MAP7D1: variants seen among roughly 807,000 people sequenced by gnomAD.
MAP7D1 encodes the protein MAP7 domain-containing protein 1.
In MAP7D1, 30 loss-of-function variants were observed where a neutral mutation model predicts 97.5. The observed-to-expected ratio is 0.31, with a 90% CI of 0.23 to 0.42. The LOEUF is 0.42. Among genes scored for constraint, MAP7D1 ranks in the 10% least tolerant of loss-of-function variants. MAP7D1 has a pLI of 1.00. For synonymous variants in MAP7D1, 536 were observed against 477.1 expected, an observed-to-expected ratio of 1.12 and a Z score of -1.61; for missense variants, 1,184 against 1,179.5, an observed-to-expected ratio of 1.00 and a Z score of -0.06.
At chr1:36,160,320 A>G (rs1306994879) in intron 1 of MAP7D1, among the ~76,000 whole-genome samples, 1 of 152,208 alleles carries the variant, frequency 6.6e-6, no homozygotes, top group Non-Finnish European at 1.5e-5. Context: ...AGAGCCTGGG[A>G]GGGTGTAGGG....
intron 1 of MAP7D1, among the ~76,000 whole-genome samples, chr1:36,156,872 G>A (rs1644339207): frequency 6.6e-6 from 1 of 152,140 alleles, no homozygotes; most frequent in South Asian, 2.1e-4. Flanking sequence ...CCCAGCCTGA[G>A]TGTGTCGGGG....
rs1168654824 is a variant in MAP7D1, at chr1:36,177,961, C to T, written c.1468C>T (p.Leu490=). 11 of 1,601,710 alleles carry T rather than the reference C, an allele frequency of 6.9e-6. No individual in the cohort carries two copies. The highest frequency in any genetic ancestry group is 9.4e-6 in the Non-Finnish European group (11 of 1,172,204). ...CCCCAGCCCAGGGCCAGGCCACACT[C>T]TGCCTCCAAAGCCACCGTCCCCCCG... ...PCPSPGPGHT[L]PPKPPSPRGT... The change falls in exon 9 of 17, where the codon CTG becomes TTG. Residue 490 remains leucine, a synonymous_variant. Transcript: ENST00000474796.
intron 1 of MAP7D1, among the ~76,000 whole-genome samples, chr1:36,165,494 G>C (rs1424433846): frequency 1.6e-5 from 2 of 122,178 alleles, no homozygotes; most frequent in East Asian, 4.5e-4. Context: ...ACAGGGTTTT[G>C]CTTTGTCACC....
rs968747552 is a variant in MAP7D1 at position 36,159,143 on chromosome 1, C to T, written c.46+2680C>T. Among the ~76,000 whole-genome samples the T allele has an allele frequency of 6.6e-6, 1 of 152,052 alleles. No homozygotes were observed. Among genetic ancestry groups the T allele is most frequent in the Non-Finnish European group, 1.5e-5 (1 of 68,020 alleles). ...CACGATCTCGGCACACTGCAACCTCCGCCTCCCAGGTTCAAGCGATTCTCT... is the reference window on the plus strand; with the variant it reads ...CACGATCTCGGCACACTGCAACCTCTGCCTCCCAGGTTCAAGCGATTCTCT... On this transcript the variant is annotated intron_variant, in intron 1 of 16. Coordinates refer to ENST00000474796, the MANE Select transcript of MAP7D1 (RefSeq NM_001388490.1). This position sits in a 1 kb window ranked among gnomAD's most constrained non-coding sequence, Gnocchi z 5.4.
intron 12 of MAP7D1, 78 bp from the exon 13 acceptor site, chr1:36,179,184 C>T: frequency 1.3e-6 from 2 of 1,563,336 alleles, no homozygotes; most frequent in South Asian, 1.1e-5. Flanking sequence ...CCTAAGACTC[C>T]GAGGCCGGGT....
intron 1 of MAP7D1, among the ~76,000 whole-genome samples, chr1:36,164,083 C>T (rs563497443): frequency 7.9e-5 from 12 of 152,236 alleles, no homozygotes; most frequent in Non-Finnish European, 1.3e-4. Flanking sequence ...CTTGGCCTCC[C>T]AAAGTGCTGG....
intron 1 of MAP7D1, among the ~76,000 whole-genome samples, chr1:36,158,338 A>G (rs954099195): frequency 1.3e-5 from 2 of 152,092 alleles, no homozygotes; most frequent in Admixed American, 1.3e-4. Flanking sequence ...GCTTTCTGGG[A>G]GTAAATGTGC....
chr1:36,165,126 T>A (rs1391514147), intron 1 of MAP7D1, among the ~76,000 whole-genome samples: 1 of 151,812 alleles, frequency 6.6e-6, no homozygotes, highest in Non-Finnish European at 1.5e-5. Context: ...TTTTATTTAA[T>A]TTTTTTTCTT....
chr1:36,163,817 CTTTTTTTTTTTTTTTTTTTTTT>C (rs869169250), intron 1 of MAP7D1, among the ~76,000 whole-genome samples: 1 of 86,784 alleles, frequency 1.2e-5, no homozygotes, highest in Non-Finnish European at 2.1e-5. Context: ...TACTTTTTTT[CTTTTTTTTTTTTTTTTTTTTTT>C]TTTTTGGAGA....
intron 1 of MAP7D1, among the ~76,000 whole-genome samples, chr1:36,168,978 G>A (rs1191637378): frequency 6.6e-6 from 1 of 152,176 alleles, no homozygotes; most frequent in Non-Finnish European, 1.5e-5. Flanking sequence ...AAGGCCGGGT[G>A]CAGTGGCTCA....
intron 9 of MAP7D1, 93 bp from the exon 10 acceptor site, chr1:36,178,326 C>T: frequency 6.7e-7 from 1 of 1,486,036 alleles, no homozygotes; most frequent in Non-Finnish European, 9.0e-7. Flanking sequence ...GACTCCTGCC[C>T]TCAGCAGTCC....
At chr1:36,179,840 G>C (rs1450294552) in intron 15 of MAP7D1, 34 bp from the exon 16 acceptor site, 2 of 1,588,522 alleles carry the variant, frequency 1.3e-6, no homozygotes, top group African/African-American at 2.7e-5. Flanking sequence ...TTCCTGGGAG[G>C]TGAGGTGCTG....
At position 36,176,309 on chromosome 1, in the gene MAP7D1, G is replaced by A. The variant is rs760234725; in HGVS notation, c.961G>A (p.Gly321Ser). ...CAGCGCGGTCACACTGCCCCGCAAC[G>A]GCCGGGACCAGGGTAGGGGCTGCGA... ...SRSAVTLPRNGRDQGRGCDPG... is the reference protein window; with the variant it reads ...SRSAVTLPRNSRDQGRGCDPG... Residue 321 changes from glycine (G) to serine (S), a missense_variant, in exon 7 of 17, where the codon GGC (glycine) becomes AGC (serine). By Grantham distance (56) the Gly-to-Ser change is moderately conservative (BLOSUM62 0). Coordinates refer to ENST00000474796, the MANE Select transcript of MAP7D1 (RefSeq NM_001388490.1). The surrounding 1 kb of genome is among the most constrained non-coding windows in gnomAD (Gnocchi z 6.1). 6 of 1,564,380 alleles carry A rather than the reference G, an allele frequency of 3.8e-6. No individual in the cohort carries two copies. Among genetic ancestry groups the A allele is most frequent in the Non-Finnish European group, 4.3e-6 (5 of 1,157,404 alleles).
At chr1:36,178,277 G>C in intron 9 of MAP7D1, 76 bp downstream of exon 9, 1 of 1,479,364 alleles carries the variant, frequency 6.8e-7, no homozygotes, top group Non-Finnish European at 9.0e-7. Context: ...TGGGCCGCCA[G>C]AGATGCCTGA....
rs763622720 is a variant in MAP7D1 at position 36,173,394 on chromosome 1, G to A, written c.655G>A (p.Val219Met). ...CTATGAAGCAGCCATCCAACGGTCA[G>A]TGAAGAAGACGTGGGCCGAAATCCG... ...ERYEAAIQRS[V>M]KKTWAEIRQQ... Residue 219 changes from valine (V) to methionine (M), a missense_variant, in exon 5 of 17, where the codon GTG becomes ATG. Val to Met is a conservative substitution (Grantham distance 21). Transcript: ENST00000474796. 6 of 1,614,004 alleles carry A rather than the reference G, an allele frequency of 3.7e-6. No homozygotes were observed. The East Asian group carries it at 8.9e-5, about 24-fold the overall frequency.
At chr1:36,177,406 C>T (rs1003444185) in intron 8 of MAP7D1, 1 of 387,740 alleles carries the variant, frequency 2.6e-6, no homozygotes, top group Non-Finnish European at 5.0e-6. Context: ...CCCGTAATCC[C>T]AGCACTTTGG....
rs149715031 is a variant in MAP7D1, at chr1:36,176,715, A to G, written c.1252A>G (p.Lys418Glu). 2.7e-5 allele frequency: 44 copies of G among 1,604,072 alleles called. 1 individual carries two copies. Among genetic ancestry groups the G allele is most frequent in the South Asian group, 1.2e-4 (11 of 89,132 alleles). ...CTGCCAGGTGCAGAAAAAGGAGAAG[A>G]AGGACAAGGAGCGGGAAAACGAGAA... ...EASPVQKKEK[K>E]DKERENEKEK... Residue 418 changes from lysine (K) to glutamate (E), a missense_variant, in exon 8 of 17, where the codon AAG (lysine) becomes GAG (glutamate). By Grantham distance (56) the Lys-to-Glu change is moderately conservative (BLOSUM62 1). Coordinates refer to ENST00000474796, the MANE Select transcript of MAP7D1 (RefSeq NM_001388490.1). The surrounding 1 kb of genome is among the most constrained non-coding windows in gnomAD (Gnocchi z 6.1).
At chr1:36,164,467 T>C (rs1245213379) in intron 1 of MAP7D1, among the ~76,000 whole-genome samples, 1 of 152,102 alleles carries the variant, frequency 6.6e-6, no homozygotes, top group East Asian at 1.9e-4. Context: ...AAGGCTTCCA[T>C]GAGGAAGTGA....
At position 36,156,293 on chromosome 1, in the gene MAP7D1, C is replaced by A; in HGVS notation, c.-125C>A. 1.3e-6 allele frequency: 1 copy of A among 744,026 alleles called. No homozygotes were observed. Among genetic ancestry groups the A allele is most frequent in the Admixed American group, 4.3e-5 (1 of 23,114 alleles). 46.1% of individuals were successfully genotyped at this position (744,026 alleles called of 1,614,324 possible). A position where few individuals can be genotyped will look rare whatever the true frequency, so the allele number is the denominator to read the frequency against. ...TCGACCTTCCCCGGAGCGCCCCCGCCTCCGAGTCGCTACTTGCCGGGCCGG... is the reference window on the plus strand; with the variant it reads ...TCGACCTTCCCCGGAGCGCCCCCGCATCCGAGTCGCTACTTGCCGGGCCGG... On this transcript the variant is annotated 5_prime_UTR_variant, in exon 1 of 17. Transcript: ENST00000474796.
Sources: gnomAD v4.1 joint callset for allele counts (sites outside exome capture counted in the v4.1 genomes callset) on GRCh38, gnomAD v4.1.1 for gene constraint, Gnocchi (gnomAD v3.1) non-coding constraint, MANE v1.5 for transcripts, NCBI Gene and HGNC (gene_info 2026-07-23, HGNC 2026-07-21) for gene names.